MARCHF5: variants seen among roughly 807,000 people sequenced by gnomAD.
MARCHF5 encodes membrane associated ring-CH-type finger 5.
In MARCHF5, 5 loss-of-function variants were observed where a neutral mutation model predicts 36.5. That is an observed-to-expected ratio of 0.14 (90% confidence interval 0.07 to 0.29). The LOEUF (loss-of-function observed/expected upper bound fraction) is 0.29. Among genes scored for constraint, MARCHF5 ranks in the 10% least tolerant of loss-of-function variants. The probability of loss-of-function intolerance (pLI) is 1.00; values close to 1 mark genes in which losing one functional copy is unlikely to be tolerated. For synonymous variants in MARCHF5, 103 were observed against 109.9 expected (o/e 0.94, Z 0.39); for missense variants, 179 against 336.3 (o/e 0.53, Z 3.66).
At chr10:92,308,409 G>A (rs1417640729) in intron 1 of MARCHF5, 2 of 152,290 alleles carry the variant, frequency 1.3e-5, no homozygotes, top group East Asian at 3.9e-4. Context: ...TGTTTTATCA[G>A]CAGTATCTTT....
In MARCHF5 at chr10:92,327,575, T is replaced by G. The variant is rs1843380278; in HGVS notation, c.239-13098T>G. On this transcript the variant is annotated intron_variant, in intron 2 of 5. Transcript: ENST00000358935. ...AAAGGTATGTGCATTTATAACATAATGGATATCCTATAATTGGCTTTTGTA... is the reference window on the plus strand; with the variant it reads ...AAAGGTATGTGCATTTATAACATAAGGGATATCCTATAATTGGCTTTTGTA... 3.3e-5 allele frequency among the ~76,000 whole-genome samples: 5 copies of G among 152,220 alleles called. No homozygotes were observed. The South Asian group carries it at 1.0e-3, about 32-fold the overall frequency.
chr10:92,337,046 C>T (rs61875241), intron 2 of MARCHF5, among the ~76,000 whole-genome samples: 50,720 of 150,892 alleles, frequency 0.34, 10,709 homozygotes, highest in Middle Eastern at 0.52. Flanking sequence ...TGCTTGAGCC[C>T]AGGAGGCGGA....
chr10:92,338,698 G>A (rs1186295447), intron 2 of MARCHF5, among the ~76,000 whole-genome samples: 2 of 152,132 alleles, frequency 1.3e-5, no homozygotes, highest in Non-Finnish European at 2.9e-5. Context: ...TGGCTCCAGT[G>A]ATCAGCAGGG....
intron 1 of MARCHF5, among the ~76,000 whole-genome samples, chr10:92,309,874 A>G (rs745308501): frequency 6.6e-6 from 1 of 152,182 alleles, no homozygotes; most frequent in South Asian, 2.1e-4. Flanking sequence ...CCATAAGACA[A>G]TGTGAAGGCC....
rs562905735 is a variant in MARCHF5, at chr10:92,328,990, A to C, written c.239-11683A>C. 2.6e-5 allele frequency among the ~76,000 whole-genome samples: 4 copies of C among 152,056 alleles called. No individual in the cohort carries two copies. In the East Asian group the frequency reaches 5.8e-4, roughly 22 times the overall value. ...TAAAGTTGCCTATTCATTTCCACCT[A>C]GTTTTAGCAGAGATTGATAATTTAT... On this transcript the variant is annotated intron_variant, in intron 2 of 5. Transcript: ENST00000358935.
chr10:92,328,970 T>C (rs1293624124), intron 2 of MARCHF5, among the ~76,000 whole-genome samples: 1 of 152,072 alleles, frequency 6.6e-6, no homozygotes, highest in Non-Finnish European at 1.5e-5. Flanking sequence ...TTCAGTAAAG[T>C]TGCCTATTCA....
At chr10:92,331,801 G>T (rs1315972237) in intron 2 of MARCHF5, among the ~76,000 whole-genome samples, 2 of 149,002 alleles carry the variant, frequency 1.3e-5, no homozygotes, top group Non-Finnish European at 3.0e-5. Context: ...TGCAATATAT[G>T]AATTTATAGA....
intron 2 of MARCHF5, among the ~76,000 whole-genome samples, chr10:92,327,172 C>T (rs1379322194): frequency 6.6e-6 from 1 of 152,076 alleles, no homozygotes; most frequent in Non-Finnish European, 1.5e-5. Context: ...AAAACTTTAA[C>T]ACTTTTACCA....
Position 92,291,272 on chromosome 10 carries a change from C to T in MARCHF5, c.-223C>T. Reference sequence around the variant, plus strand: ...AACCCGGGCCGCGATCGCCGCCTCCCCGCCTCAGGCTCCTCCTCCTCGCTC... The same window carrying T: ...AACCCGGGCCGCGATCGCCGCCTCCTCGCCTCAGGCTCCTCCTCCTCGCTC... On this transcript the variant is annotated 5_prime_UTR_variant, in exon 1 of 6. Transcript: ENST00000358935. 1 of 541,966 alleles carries T rather than the reference C, an allele frequency of 1.8e-6. No individual in the cohort carries two copies. Among genetic ancestry groups the T allele is most frequent in the Non-Finnish European group, 3.2e-6 (1 of 312,176 alleles). 33.6% of individuals were successfully genotyped at this position (541,966 alleles called of 1,614,324 possible).
At chr10:92,312,954 G>C (rs1843163142) in intron 2 of MARCHF5, among the ~76,000 whole-genome samples, 4 of 152,214 alleles carry the variant, frequency 2.6e-5, no homozygotes, top group Admixed American at 2.0e-4. Flanking sequence ...AGTAAATCTT[G>C]GCTGGGCGTG....
chr10:92,330,860 A>G (rs1438617683), intron 2 of MARCHF5, among the ~76,000 whole-genome samples: 2 of 152,170 alleles, frequency 1.3e-5, no homozygotes, highest in African/African-American at 2.4e-5. Context: ...CTTTGTCCCA[A>G]TTCACACAGC....
chr10:92,332,507 T>C (rs1237473116), intron 2 of MARCHF5, among the ~76,000 whole-genome samples: 1 of 141,720 alleles, frequency 7.1e-6, no homozygotes, highest in African/African-American at 2.6e-5. Context: ...GCATTAGGAT[T>C]CCCCATCCTT....
chr10:92,332,069 T>C (rs1843443364), intron 2 of MARCHF5, among the ~76,000 whole-genome samples: 2 of 149,992 alleles, frequency 1.3e-5, no homozygotes, highest in African/African-American at 4.9e-5. Context: ...TCCTTTTTTT[T>C]TTCTTTTTTT....
Position 92,349,518 on chromosome 10 carries a change from A to G in MARCHF5, c.539A>G (p.Asn180Ser), listed in dbSNP as rs754589395. 16 of 1,613,470 alleles carry G rather than the reference A, an allele frequency of 9.9e-6. No homozygotes were observed. The Middle Eastern group carries it at 4.9e-4, about 50-fold the overall frequency. ...TACTCGAATAAACTACAAATTTTAA[A>G]TAGTATATTTCCAGGTAAGGCACTG... ...RKYSNKLQILNSIFPGIGCPV... is the reference protein window; with the variant it reads ...RKYSNKLQILSSIFPGIGCPV... Residue 180 changes from asparagine (N) to serine (S), a missense_variant, in exon 4 of 6, where the codon AAT (asparagine) becomes AGT (serine). Physicochemically the swap from Asn to Ser is conservative, Grantham distance 46. This residue lies in a region of MARCHF5 where 95 missense variants were observed against 139.5 expected (regional missense o/e 0.68). Coordinates refer to ENST00000358935, the MANE Select transcript of MARCHF5 (RefSeq NM_017824.5).
intron 1 of MARCHF5, among the ~76,000 whole-genome samples, chr10:92,297,832 C>G (rs1008889849): frequency 6.6e-6 from 1 of 151,732 alleles, no homozygotes. Context: ...CATTTAGATT[C>G]TTATTTTCTC....
At position 92,291,652 on chromosome 10, in the gene MARCHF5, G is replaced by T. The variant is rs900697331; in HGVS notation, c.35+123G>T. 7 of 1,384,314 alleles carry T rather than the reference G, an allele frequency of 5.1e-6. No homozygotes were observed. The African/African-American group carries it at 9.1e-5, about 18-fold the overall frequency. The allele number at this position is 1,384,314 out of a possible 1,614,324, so 85.8% of individuals were successfully genotyped here. On this transcript the variant is annotated intron_variant, in intron 1 of 5. Coordinates refer to ENST00000358935, the MANE Select transcript of MARCHF5 (RefSeq NM_017824.5). ...CCGGGAGGAGTTCCACGGCCAGGGG[G>T]CCGTGAGAGGGGCAAAAAGTTTGGA... is the stretch of plus-strand genomic sequence containing the variant.
chr10:92,353,273 G>A lies in MARCHF5; in HGVS notation c.*2066G>A, dbSNP rs748120813. ...ACCACATGCCAGTCTTCCCAGGAAG[G>A]TGACCTGCCTGACCATGAAGCAACA... On this transcript the variant is annotated 3_prime_UTR_variant, in exon 6 of 6. Transcript: ENST00000358935. The A allele has an allele frequency of 6.6e-6, 1 of 152,154 alleles. No individual in the cohort carries two copies. The highest frequency in any genetic ancestry group is 2.4e-5 in the African/African-American group (1 of 41,444). The allele number at this position is 152,154 out of a possible 1,614,324, so 9.4% of individuals were successfully genotyped here. A position where few individuals can be genotyped will look rare whatever the true frequency, so the allele number is the denominator to read the frequency against.
chr10:92,339,230 C>T (rs7095248), intron 2 of MARCHF5, among the ~76,000 whole-genome samples: 2,080 of 150,042 alleles, frequency 0.014, 35 homozygotes, highest in African/African-American at 0.048. Flanking sequence ...ATTAGTTGGG[C>T]GTGGTGGCAC....
At chr10:92,314,763 T>C (rs1349081744) in intron 2 of MARCHF5, among the ~76,000 whole-genome samples, 1 of 91,072 alleles carries the variant, frequency 1.1e-5, no homozygotes, top group African/African-American at 6.7e-5. Flanking sequence ...CCCCCGCCAA[T>C]AGAGGTTGGG....
Sources: gnomAD v4.1 joint callset for allele counts (sites outside exome capture counted in the v4.1 genomes callset) on GRCh38, gnomAD v4.1.1 for gene constraint, gnomAD v4.1.1 regional missense constraint, MANE v1.5 for transcripts, NCBI Gene and HGNC (gene_info 2026-07-23, HGNC 2026-07-21) for gene names.